LRFN5: variants seen among roughly 807,000 people sequenced by gnomAD.
The protein encoded by LRFN5 is leucine-rich repeat and fibronectin type-III domain-containing protein 5.
In LRFN5, 24 loss-of-function variants were observed where a neutral mutation model predicts 45.6. The observed-to-expected ratio is 0.53, with a 90% CI of 0.38 to 0.74. LRFN5 has a LOEUF of 0.74. Ranked by LOEUF, LRFN5 falls within the 30% of genes least tolerant of loss-of-function variation. The pLI is 0.00. For missense variants in LRFN5, 776 were observed against 861.5 expected (o/e 0.90, Z 1.24); for synonymous variants, 340 against 313.8 (o/e 1.08, Z -0.88).
intron 1 of LRFN5, among the ~76,000 whole-genome samples, chr14:41,764,717 C>T (rs1056890973): frequency 1.5e-4 from 23 of 151,944 alleles, no homozygotes; most frequent in African/African-American, 4.6e-4. Context: ...CAGAGCTGCA[C>T]GGACAATGAG....
At chr14:41,904,056 T>C in intron 5 of LRFN5, 102 bp from the exon 6 acceptor site, 1 of 980,476 alleles carries the variant, frequency 1.0e-6, no homozygotes, top group Admixed American at 2.3e-5. Flanking sequence ...TGCTTACATT[T>C]AGTTACTTTT....
chr14:41,692,542 T>A (rs2138707746), intron 1 of LRFN5, among the ~76,000 whole-genome samples: 2 of 152,244 alleles, frequency 1.3e-5, no homozygotes, highest in South Asian at 4.1e-4. Context: ...ATTAGGTATA[T>A]CTCCTAATGC....
chr14:41,741,867 A>C (rs1290785297), intron 1 of LRFN5, among the ~76,000 whole-genome samples: 1 of 151,712 alleles, frequency 6.6e-6, no homozygotes, highest in East Asian at 1.9e-4. Flanking sequence ...ATCTGAACAG[A>C]TATTTCTCCA....
intron 1 of LRFN5, among the ~76,000 whole-genome samples, chr14:41,722,058 CA>C (rs2138771982): frequency 6.6e-6 from 1 of 152,064 alleles, no homozygotes; most frequent in South Asian, 2.1e-4. Context: ...AGACTTTGTT[CA>C]TTTTTTTAAA....
At chr14:41,672,361 C>CT (rs1331545540) in intron 1 of LRFN5, among the ~76,000 whole-genome samples, 1 of 151,824 alleles carries the variant, frequency 6.6e-6, no homozygotes, top group African/African-American at 2.4e-5. Flanking sequence ...AAATTCTATT[C>CT]TTTTTTCAGA....
chr14:41,704,428 C>CTGTG (rs1194463733), intron 1 of LRFN5, among the ~76,000 whole-genome samples: 1 of 42,438 alleles, frequency 2.4e-5, no homozygotes, highest in African/African-American at 2.1e-4. Flanking sequence ...CTCTCTCTCT[C>CTGTG]TCTCTCTCTC....
intron 2 of LRFN5, among the ~76,000 whole-genome samples, chr14:41,819,857 C>T (rs1197707491): frequency 6.6e-6 from 1 of 152,056 alleles, no homozygotes; most frequent in East Asian, 1.9e-4. Context: ...GGTGGAGACA[C>T]ATATCTGAAA....
At chr14:41,824,936 C>A (rs1594442596) in intron 2 of LRFN5, among the ~76,000 whole-genome samples, 1 of 152,154 alleles carries the variant, frequency 6.6e-6, no homozygotes, top group Non-Finnish European at 1.5e-5. Context: ...CCTATCATAT[C>A]CCTGTCCTGG....
intron 1 of LRFN5, among the ~76,000 whole-genome samples, chr14:41,623,959 A>G (rs1406254825): frequency 3.9e-5 from 6 of 152,098 alleles, no homozygotes; most frequent in Non-Finnish European, 8.8e-5. Context: ...AAAATAATGC[A>G]GTGTGGTTAA....
Position 41,845,169 on chromosome 14 carries a change from A to T in LRFN5, c.-20-41437A>T, listed in dbSNP as rs1182343923. Among the ~76,000 whole-genome samples, 4 of 152,022 alleles carry T rather than the reference A, an allele frequency of 2.6e-5. 1 individual carries two copies. In the East Asian group the frequency reaches 7.7e-4, roughly 29 times the overall value. ...GAGTAGATAATAAATATTTTAATCC[A>T]GTTACGGTTTAGCTAGAAGATAGAT... On this transcript the variant is annotated intron_variant, in intron 2 of 5. Coordinates refer to ENST00000298119, the MANE Select transcript of LRFN5 (RefSeq NM_152447.5).
intron 2 of LRFN5, among the ~76,000 whole-genome samples, chr14:41,863,984 T>C (rs971625611): frequency 1.3e-5 from 2 of 152,108 alleles, no homozygotes; most frequent in Admixed American, 1.3e-4. Flanking sequence ...GTTTCCAGCT[T>C]CATGCAGAGG....
At chr14:41,699,254 T>A (rs1212787191) in intron 1 of LRFN5, among the ~76,000 whole-genome samples, 1 of 152,058 alleles carries the variant, frequency 6.6e-6, no homozygotes, top group Non-Finnish European at 1.5e-5. Flanking sequence ...AGGTTCTAGG[T>A]GATGAAATGC....
intron 4 of LRFN5, among the ~76,000 whole-genome samples, chr14:41,898,259 G>T (rs1325421440): frequency 6.6e-6 from 1 of 151,834 alleles, no homozygotes; most frequent in Non-Finnish European, 1.5e-5. Context: ...AGGCATTTTG[G>T]AAAAAAATAG....
At chr14:41,667,586 G>C (rs1246298786) in intron 1 of LRFN5, among the ~76,000 whole-genome samples, 2 of 152,102 alleles carry the variant, frequency 1.3e-5, no homozygotes, top group Non-Finnish European at 2.9e-5. Flanking sequence ...TCTATAGATT[G>C]CTAGTTCTTT....
At chr14:41,692,569 C>G (rs1204504427) in intron 1 of LRFN5, among the ~76,000 whole-genome samples, 1 of 152,024 alleles carries the variant, frequency 6.6e-6, no homozygotes, top group African/African-American at 2.4e-5. Context: ...TCCTAACTTC[C>G]CCCACACCAC....
chr14:41,683,253 T>C (rs564731625), intron 1 of LRFN5, among the ~76,000 whole-genome samples: 1 of 152,278 alleles, frequency 6.6e-6, no homozygotes, highest in Admixed American at 6.5e-5. Flanking sequence ...GAGAGGGCTT[T>C]GATAAAATTA....
intron 2 of LRFN5, among the ~76,000 whole-genome samples, chr14:41,775,240 AC>A (rs1886244854): frequency 6.6e-6 from 1 of 151,448 alleles, no homozygotes; most frequent in Non-Finnish European, 1.5e-5. Flanking sequence ...ACAGGCGCCC[AC>A]CACCAGGCCC....
At chr14:41,868,785 C>A (rs989207898) in intron 2 of LRFN5, among the ~76,000 whole-genome samples, 1 of 151,950 alleles carries the variant, frequency 6.6e-6, no homozygotes, top group Non-Finnish European at 1.5e-5. Context: ...TTATTCATAC[C>A]GAAAAGTGCA....
At chr14:41,890,053 G>T (rs1008722478) in intron 3 of LRFN5, among the ~76,000 whole-genome samples, 1 of 151,856 alleles carries the variant, frequency 6.6e-6, no homozygotes, top group African/African-American at 2.4e-5. Context: ...TATTAGAGAC[G>T]GTGTTTCACC....
Sources: allele counts gnomAD v4.1 joint callset (sites outside exome capture counted in the v4.1 genomes callset), GRCh38; gene constraint gnomAD v4.1.1; transcripts MANE v1.5; gene names NCBI Gene and HGNC (gene_info 2026-07-23, HGNC 2026-07-21).